SNX22: variants seen among roughly 807,000 people sequenced by gnomAD.
The protein encoded by SNX22 is sorting nexin 22.
Under a neutral mutation model 24.7 loss-of-function variants are expected in SNX22, and 23 were observed. The ratio of observed to expected loss-of-function variants is 0.93; its 90% confidence interval spans 0.67 to 1.32. The LOEUF (loss-of-function observed/expected upper bound fraction) is 1.32, where lower values mean the gene tolerates loss of function less well. Ranked by LOEUF, SNX22 falls within the 40% of genes most tolerant of loss-of-function variation. The pLI, the probability that SNX22 is intolerant of heterozygous loss-of-function variation, is 0.00. For missense variants in SNX22, 261 were observed against 249.9 expected (o/e 1.04, Z -0.30); for synonymous variants, 99 against 104.0 (o/e 0.95, Z 0.29).
Position 64,153,949 on chromosome 15 carries a change from A to AGC in SNX22, c.409_410dup (p.Pro138GlyfsTer4). 1 of 1,613,028 alleles carries AGC rather than the reference A, an allele frequency of 6.2e-7. No homozygotes were observed. Among genetic ancestry groups the AGC allele is most frequent in the South Asian group, 1.1e-5 (1 of 91,042 alleles). The stretch of plus-strand genomic sequence containing the variant: ...TTTCCTCCCAGCTCCCAGCAGCACC[A>AGC]GCGGCCTGTCCTGAGCTTCCATGTG... On this transcript the variant is annotated frameshift_variant, in exon 6 of 7. Transcript: ENST00000325881. LOFTEE classifies it high-confidence loss of function.
intron 5 of SNX22, 51 bp downstream of exon 5, chr15:64,153,735 A>G (rs1405395637): frequency 1.2e-6 from 2 of 1,612,870 alleles, no homozygotes; most frequent in Non-Finnish European, 1.7e-6. Flanking sequence ...CCTAGTGGCC[A>G]TATGCTAGGA....
chr15:64,152,045 C>T lies in SNX22; in HGVS notation c.75+195C>T, dbSNP rs546175273. 1.5e-5 allele frequency: 11 copies of T among 739,834 alleles called. No homozygotes were observed. In the South Asian group the frequency reaches 1.7e-4, roughly 12 times the overall value. The allele number at this position is 739,834 out of a possible 1,614,324, so 45.8% of individuals were successfully genotyped here. A position where few individuals can be genotyped will look rare whatever the true frequency, so the allele number is the denominator to read the frequency against. The stretch of plus-strand genomic sequence containing the variant: ...GACCATGGTTCGAGCTCTTGAGGGA[C>T]CCCAGGGCTCCGAGGGGCAGGTCCG... On this transcript the variant is annotated intron_variant, in intron 1 of 6. Transcript: ENST00000325881.
Position 64,154,584 on chromosome 15 carries a change from C to T in SNX22, c.*76C>T, listed in dbSNP as rs1433169177. 42 of 1,556,642 alleles carry T rather than the reference C, an allele frequency of 2.7e-5. No individual in the cohort carries two copies. The highest frequency in any genetic ancestry group is 3.5e-5 in the Non-Finnish European group (40 of 1,145,296). On this transcript the variant is annotated 3_prime_UTR_variant, in exon 7 of 7. Coordinates refer to ENST00000325881, the MANE Select transcript of SNX22 (RefSeq NM_024798.3). ...CTATGAACTCCATATAAGGCTGGGT[C>T]CTCCTTTGGCCTGGACCCAGGACTT...
chr15:64,155,838 CA>C lies in SNX22; in HGVS notation c.*1331del, dbSNP rs1179262163. 156 of 799,826 alleles carry C rather than the reference CA, an allele frequency of 2.0e-4. No individual in the cohort carries two copies. The highest frequency in any genetic ancestry group is 8.5e-4 in the Admixed American group (30 of 35,156). 49.5% of individuals were successfully genotyped at this position (799,826 alleles called of 1,614,324 possible). On this transcript the variant is annotated 3_prime_UTR_variant, in exon 7 of 7. Transcript: ENST00000325881. Reference sequence around the variant, plus strand: ...TATATATTAAAAAAAAAAAAACCCACATTTTTTTTTATTGGTCAGTGTTGGT... The same window carrying C: ...TATATATTAAAAAAAAAAAAACCCACTTTTTTTTTATTGGTCAGTGTTGGT...
Position 64,156,326 on chromosome 15 carries a change from G to A in SNX22, c.*1818G>A, listed in dbSNP as rs182294857. 3.0e-4 allele frequency: 253 copies of A among 839,334 alleles called. No individual in the cohort carries two copies. In the East Asian group the frequency reaches 3.4e-3, roughly 11 times the overall value. The allele number at this position is 839,334 out of a possible 1,614,324, so 52.0% of individuals were successfully genotyped here. ...AGAGCAGGGAGAATGCAGATTTGAC[G>A]AGGGGGTACAGGAATTTTGTTCCTT... On this transcript the variant is annotated 3_prime_UTR_variant, in exon 7 of 7. Transcript: ENST00000325881. This position sits in a 1 kb window ranked among gnomAD's most constrained non-coding sequence, Gnocchi z 6.4.
intron 1 of SNX22, 26 bp downstream of exon 1, chr15:64,151,876 G>C: frequency 3.3e-6 from 5 of 1,520,136 alleles, no homozygotes; most frequent in Non-Finnish European, 4.4e-6. Context: ...GGATGGGGAG[G>C]GGCGCCGGGA....
At chr15:64,153,869 T>A in intron 5 of SNX22, 66 bp from the exon 6 acceptor site, 3 of 1,592,896 alleles carry the variant, frequency 1.9e-6, no homozygotes, top group Non-Finnish European at 2.6e-6. Context: ...CAACCCCGTC[T>A]CCACCCCTCT....
chr15:64,157,225 G>A lies in SNX22; in HGVS notation c.*2717G>A, dbSNP rs1432544949. 3 of 401,522 alleles carry A rather than the reference G, an allele frequency of 7.5e-6. No individual in the cohort carries two copies. Among genetic ancestry groups the A allele is most frequent in the Non-Finnish European group, 1.4e-5 (3 of 216,264 alleles). The allele number at this position is 401,522 out of a possible 1,614,324, so 24.9% of individuals were successfully genotyped here. ...CTTAGCTATGGCCCAGGCCTGCCAC[G>A]GAGGGACTTTGGTGGAGGGAAGTGC... On this transcript the variant is annotated 3_prime_UTR_variant, in exon 7 of 7. Coordinates refer to ENST00000325881, the MANE Select transcript of SNX22 (RefSeq NM_024798.3). This position sits in a 1 kb window ranked among gnomAD's most constrained non-coding sequence, Gnocchi z 4.2.
chr15:64,152,861 C>A, intron 3 of SNX22, 119 bp downstream of exon 3: 2 of 809,892 alleles, frequency 2.5e-6, no homozygotes, highest in Non-Finnish European at 4.0e-6. Flanking sequence ...TATTCACCAC[C>A]TCAAGCATCA....
chr15:64,153,184 G>A, intron 3 of SNX22, 61 bp from the exon 4 acceptor site: 1 of 1,582,410 alleles, frequency 6.3e-7, no homozygotes, highest in Non-Finnish European at 8.7e-7. Context: ...CATTTTCACT[G>A]GCACTGCGCT....
rs1257262610 is a variant in SNX22, at chr15:64,156,237, A to G, written c.*1729A>G. ...CCCAGCGTATGGCTCAGGAGGGCTA[A>G]GACCCACAAGTGATCAACAGCACAC... On this transcript the variant is annotated 3_prime_UTR_variant, in exon 7 of 7. Transcript: ENST00000325881. The surrounding 1 kb of genome is among the most constrained non-coding windows in gnomAD (Gnocchi z 6.4). 3 of 1,515,114 alleles carry G rather than the reference A, an allele frequency of 2.0e-6. No individual in the cohort carries two copies. The East Asian group carries it at 7.0e-5, about 35-fold the overall frequency. 93.9% of individuals were successfully genotyped at this position (1,515,114 alleles called of 1,614,324 possible). A position where few individuals can be genotyped will look rare whatever the true frequency, so the allele number is the denominator to read the frequency against.
rs1567343560 is a variant in SNX22, at chr15:64,154,097, GC to G, written c.460+98del. 14 of 1,611,730 alleles carry G rather than the reference GC, an allele frequency of 8.7e-6. No homozygotes were observed. The South Asian group carries it at 1.2e-4, about 14-fold the overall frequency. ...CCTCAGACAGCATCTCCTTCCTGCT[GC>G]CCACCTCTGGAGCCACTACCTCCTG... is the stretch of plus-strand genomic sequence containing the variant. On this transcript the variant is annotated intron_variant, in intron 6 of 6. Transcript: ENST00000325881.
chr15:64,156,021 C>T lies in SNX22; in HGVS notation c.*1513C>T. 12 of 1,614,142 alleles carry T rather than the reference C, an allele frequency of 7.4e-6. No individual in the cohort carries two copies. The highest frequency in any genetic ancestry group is 1.0e-5 in the Non-Finnish European group (12 of 1,180,020). On this transcript the variant is annotated 3_prime_UTR_variant, in exon 7 of 7. Transcript: ENST00000325881. This position sits in a 1 kb window ranked among gnomAD's most constrained non-coding sequence, Gnocchi z 6.4. ...TCACTCAAAGAAAGATGTCCCTGTGCCCTACTCCTTGGCGATGGCAAAGGG... is the reference window on the plus strand; with the variant it reads ...TCACTCAAAGAAAGATGTCCCTGTGTCCTACTCCTTGGCGATGGCAAAGGG...
At position 64,156,851 on chromosome 15, in the gene SNX22, C is replaced by T. The variant is rs1596028315; in HGVS notation, c.*2343C>T. 6.2e-7 allele frequency: 1 copy of T among 1,614,088 alleles called. No individual in the cohort carries two copies. Among genetic ancestry groups the T allele is most frequent in the South Asian group, 1.1e-5 (1 of 91,086 alleles). Reference sequence around the variant, plus strand: ...CGTTGGCCATGCTCACCCAGCCAGGCCCGTAGTGCTTCAGTTTGAAGTTCT... The same window carrying T: ...CGTTGGCCATGCTCACCCAGCCAGGTCCGTAGTGCTTCAGTTTGAAGTTCT... On this transcript the variant is annotated 3_prime_UTR_variant, in exon 7 of 7. Transcript: ENST00000325881. The surrounding 1 kb of genome is among the most constrained non-coding windows in gnomAD (Gnocchi z 6.4).
In SNX22 at chr15:64,153,704, C is replaced by A; in HGVS notation, c.392+20C>A. 1.2e-6 allele frequency: 2 copies of A among 1,614,018 alleles called. No homozygotes were observed. Among genetic ancestry groups the A allele is most frequent in the South Asian group, 2.2e-5 (2 of 91,084 alleles). ...CAGCAGGCAAGTCAAAGCCCTAGCC[C>A]GCGCTTGGCCCCTGCTGCCCCCTAG... On this transcript the variant is annotated intron_variant, in intron 5 of 6. Transcript: ENST00000325881.
chr15:64,153,124 C>A, intron 3 of SNX22, 121 bp from the exon 4 acceptor site: 2 of 1,252,788 alleles, frequency 1.6e-6, no homozygotes, highest in Non-Finnish European at 2.2e-6. Flanking sequence ...CCTGGTTCAA[C>A]GCTCTGCTGT....
At chr15:64,154,119 T>C in intron 6 of SNX22, 117 bp downstream of exon 6, 1 of 1,606,884 alleles carries the variant, frequency 6.2e-7, no homozygotes, top group Non-Finnish European at 8.5e-7. Context: ...AGCCACTACC[T>C]CCTGCTCCTG....
In SNX22 at chr15:64,156,952, CA is replaced by C; in HGVS notation, c.*2447del. On this transcript the variant is annotated 3_prime_UTR_variant, in exon 7 of 7. Transcript: ENST00000325881. The surrounding 1 kb of genome is among the most constrained non-coding windows in gnomAD (Gnocchi z 6.4). ...GCAGGTCAGGGGCGCTGGATTGCGCCAAACCAAGCAGACATTCGGGGCCAGG... is the reference window on the plus strand; with the variant it reads ...GCAGGTCAGGGGCGCTGGATTGCGCCAACCAAGCAGACATTCGGGGCCAGG... The C allele has an allele frequency of 6.3e-7, 1 of 1,598,248 alleles. No individual in the cohort carries two copies. The highest frequency in any genetic ancestry group is 8.6e-7 in the Non-Finnish European group (1 of 1,167,018).
intron 4 of SNX22, 127 bp from the exon 5 acceptor site, chr15:64,153,525 C>A: frequency 6.6e-7 from 1 of 1,511,300 alleles, no homozygotes; most frequent in South Asian, 1.1e-5. Context: ...ACCTCCGGAA[C>A]TGGGGCTTGT....
Sources: gnomAD v4.1 joint callset for allele counts on GRCh38, gnomAD v4.1.1 for gene constraint, Gnocchi (gnomAD v3.1) non-coding constraint, MANE v1.5 for transcripts, NCBI Gene and HGNC (gene_info 2026-07-23, HGNC 2026-07-21) for gene names.